The following SEC13 variants were observed in gnomAD, a reference collection of about 807,000 sequenced individuals.
SEC13 encodes protein SEC13 homolog.
In SEC13, 25 loss-of-function variants were observed where a neutral mutation model predicts 49.2. The observed-to-expected ratio is 0.51, with a 90% CI of 0.37 to 0.71. The LOEUF (loss-of-function observed/expected upper bound fraction) is 0.71. Among genes scored for constraint, SEC13 ranks in the 30% least tolerant of loss-of-function variants. The pLI, the probability that SEC13 is intolerant of heterozygous loss-of-function variation, is 0.00. For synonymous variants in SEC13, 148 were observed against 163.9 expected (o/e 0.90, Z 0.74); for missense variants, 383 against 417.6 (o/e 0.92, Z 0.72).
In SEC13 at chr3:10,305,030, G is replaced by C. The variant is rs187827799; in HGVS notation, c.708+3C>G. 89 of 1,614,104 alleles carry C rather than the reference G, an allele frequency of 5.5e-5. No homozygotes were observed. Among genetic ancestry groups the C allele is most frequent in the Admixed American group, 2.0e-4 (12 of 60,032 alleles). ...CAAGGGATACTCATGGCCCTGGGCT[G>C]ACCTGGGAGCAGCTGGCGATGGTGC... On this transcript the variant is annotated splice_donor_region_variant and intron_variant, in intron 7 of 8. Transcript: ENST00000350697.
intron 3 of SEC13, chr3:10,313,696 A>C (rs113698443): frequency 1.6e-5 from 3 of 189,394 alleles, no homozygotes; most frequent in Non-Finnish European, 3.5e-5. Flanking sequence ...TACTAAGGGG[A>C]AAAAAGAATG....
chr3:10,308,865 C>T lies in SEC13; in HGVS notation c.450+3100G>A, dbSNP rs142731644. 3.5e-3 allele frequency among the ~76,000 whole-genome samples: 497 copies of T among 140,698 alleles called. 1 individual carries two copies. Among genetic ancestry groups the T allele is most frequent in the African/African-American group, 0.012 (442 of 38,008 alleles). The allele number at this position is 140,698 out of a possible 152,430, so 92.3% of individuals were successfully genotyped here. A position where few individuals can be genotyped will look rare whatever the true frequency, so the allele number is the denominator to read the frequency against. ...CAGGTTGGTCTTGAACTCCTGGCCTCAAACAGGAGTTCACCTCGATCTCCC... is the reference window on the plus strand; with the variant it reads ...CAGGTTGGTCTTGAACTCCTGGCCTTAAACAGGAGTTCACCTCGATCTCCC... On this transcript the variant is annotated intron_variant, in intron 5 of 8. Transcript: ENST00000350697.
In SEC13 at chr3:10,315,360, A is replaced by G. The variant is rs1422169212; in HGVS notation, c.125T>C (p.Val42Ala). The G allele has an allele frequency of 1.2e-6, 2 of 1,613,802 alleles. No individual in the cohort carries two copies. The highest frequency in any genetic ancestry group is 1.7e-6 in the Non-Finnish European group (2 of 1,179,970). ...GATAAGGATCTGCCCTCCATTGCGC[A>G]CATCAAAGATTTTGACGGACCTGTC... ...SSDRSVKIFD[V>A]RNGGQILIAD... Residue 42 changes from valine to alanine, a missense_variant, in exon 3 of 9, where the codon GTG (valine) becomes GCG (alanine). Transcript: ENST00000350697.
intron 6 of SEC13, 171 bp downstream of exon 6, chr3:10,305,388 G>C: frequency 1.9e-6 from 2 of 1,031,716 alleles, no homozygotes; most frequent in Admixed American, 5.2e-5. Flanking sequence ...TAGGTGAACA[G>C]GTGTTGTGTT....
At chr3:10,305,258 C>G in intron 6 of SEC13, 102 bp from the exon 7 acceptor site, 1 of 1,447,920 alleles carries the variant, frequency 6.9e-7, no homozygotes, top group Non-Finnish European at 9.2e-7. Flanking sequence ...GCGATTCCAT[C>G]TTTCTTCTTT....
chr3:10,308,520 A>G (rs143238162), intron 5 of SEC13, among the ~76,000 whole-genome samples: 4 of 152,346 alleles, frequency 2.6e-5, no homozygotes, highest in Admixed American at 6.5e-5. Flanking sequence ...TAAAGCTGCT[A>G]TAACCTTTTG....
At chr3:10,304,300 C>T (rs749561773) in intron 7 of SEC13, 128 bp from the exon 8 acceptor site, 42 of 877,904 alleles carry the variant, frequency 4.8e-5, no homozygotes, top group Non-Finnish European at 6.3e-5. Flanking sequence ...AAAGGGGAGC[C>T]GAGGACCTCT....
rs140276697 is a variant in SEC13 at position 10,316,985 on chromosome 3, G to A, written c.48+1065C>T. Among the ~76,000 whole-genome samples the A allele has an allele frequency of 3.8e-4, 48 of 127,604 alleles. No individual in the cohort carries two copies. The East Asian group carries it at 0.011, about 29-fold the overall frequency. The allele number at this position is 127,604 out of a possible 152,430, so 83.7% of individuals were successfully genotyped here. On this transcript the variant is annotated intron_variant, in intron 2 of 8. Transcript: ENST00000350697. ...CACTGCATGCCAGCCTGGGCTACAA[G>A]AGCGAAACTCCATCTCAAAAAAAAA...
At chr3:10,309,357 G>C (rs1701104714) in intron 5 of SEC13, among the ~76,000 whole-genome samples, 1 of 152,104 alleles carries the variant, frequency 6.6e-6, no homozygotes, top group Non-Finnish European at 1.5e-5. Context: ...GGGACTCCTG[G>C]TATTCGTATG....
At position 10,305,102 on chromosome 3, in the gene SEC13, G is replaced by C; in HGVS notation, c.639C>G (p.Asp213Glu). The change falls in exon 7 of 9, where the codon GAC (aspartate) becomes GAG (glutamate). Residue 213 changes from aspartate to glutamate, a missense_variant. Transcript: ENST00000350697. Reference sequence around the variant, plus strand: ...GGGCCCAGGCCACATCTCGAACCCAGTCACTGTGCGCTTCTAGCTTCTGCT... The same window carrying C: ...GGGCCCAGGCCACATCTCGAACCCACTCACTGTGCGCTTCTAGCTTCTGCT... ...KEEQKLEAHS[D>E]WVRDVAWAPS... The C allele has an allele frequency of 6.2e-7, 1 of 1,614,122 alleles. No individual in the cohort carries two copies. The highest frequency in any genetic ancestry group is 8.5e-7 in the Non-Finnish European group (1 of 1,180,014).
intron 2 of SEC13, among the ~76,000 whole-genome samples, chr3:10,316,772 C>T (rs547392583): frequency 3.8e-4 from 58 of 152,246 alleles, no homozygotes; most frequent in Middle Eastern, 3.4e-3. Flanking sequence ...GAAGCTGAGG[C>T]GGGCGGATCA....
chr3:10,303,958 C>T, intron 8 of SEC13, 68 bp downstream of exon 8: 1 of 1,566,310 alleles, frequency 6.4e-7, no homozygotes, highest in Non-Finnish European at 8.7e-7. Flanking sequence ...ATGTCAAGTG[C>T]CCTCTCTAGT....
intron 5 of SEC13, among the ~76,000 whole-genome samples, chr3:10,310,589 G>C (rs1018601655): frequency 2.0e-5 from 3 of 152,176 alleles, no homozygotes; most frequent in African/African-American, 7.2e-5. Context: ...ATGTTAGTGA[G>C]GATGTGGAGA....
chr3:10,308,933 ATTTTTT>A lies in SEC13; in HGVS notation c.450+3026_450+3031del, dbSNP rs56801249. 1.4e-3 allele frequency among the ~76,000 whole-genome samples: 139 copies of A among 102,342 alleles called. 2 individuals carry two copies. The highest frequency in any genetic ancestry group is 0.01 in the East Asian group (40 of 3,840). The allele number at this position is 102,342 out of a possible 152,430, so 67.1% of individuals were successfully genotyped here. Reference sequence around the variant, plus strand: ...GGCTGAGCCATCACGCCTGGCCTTGATTTTTTTTTTTTTTTTTTTTTTTGAGACAAG... The same window carrying A: ...GGCTGAGCCATCACGCCTGGCCTTGATTTTTTTTTTTTTTTTTGAGACAAG... On this transcript the variant is annotated intron_variant, in intron 5 of 8. Coordinates refer to ENST00000350697, the MANE Select transcript of SEC13 (RefSeq NM_183352.3).
Position 10,304,889 on chromosome 3 carries a change from A to G in SEC13, c.708+144T>C, listed in dbSNP as rs113122464. ...CTTCTGACCAAGACTTCCCCACACA[A>G]TGACCTGACTCCCTGTGCTCTGGGC... On this transcript the variant is annotated intron_variant, in intron 7 of 8. Transcript: ENST00000350697. 2.4e-4 allele frequency: 294 copies of G among 1,219,228 alleles called. No individual in the cohort carries two copies. In the African/African-American group the frequency reaches 4.0e-3, roughly 17 times the overall value. 75.5% of individuals were successfully genotyped at this position (1,219,228 alleles called of 1,614,324 possible).
chr3:10,317,560 C>A lies in SEC13; in HGVS notation c.48+490G>T, dbSNP rs1011594383. 2.0e-5 allele frequency among the ~76,000 whole-genome samples: 3 copies of A among 152,050 alleles called. No individual in the cohort carries two copies. The South Asian group carries it at 6.2e-4, about 32-fold the overall frequency. On this transcript the variant is annotated intron_variant, in intron 2 of 8. Coordinates refer to ENST00000350697, the MANE Select transcript of SEC13 (RefSeq NM_183352.3). ...GAGTGTGGACTTCTGGTTCAAAGGG[C>A]CTTGTCTGGCCTATTGTCTTGGTGG... is the stretch of plus-strand genomic sequence containing the variant.
intron 4 of SEC13, 74 bp from the exon 5 acceptor site, chr3:10,312,172 C>CTGTT: frequency 6.7e-7 from 1 of 1,502,982 alleles, no homozygotes; most frequent in South Asian, 1.3e-5. Context: ...CACAGATTTA[C>CTGTT]TGTTTTACTA....
At chr3:10,318,246 G>A (rs1701727800) in intron 1 of SEC13, 152 bp from the exon 2 acceptor site, 3 of 641,512 alleles carry the variant, frequency 4.7e-6, no homozygotes, top group Non-Finnish European at 8.5e-6. Flanking sequence ...CAAGCACTGT[G>A]CTAGGAACTG....
intron 1 of SEC13, chr3:10,320,799 G>C (rs1204005452): frequency 7.5e-7 from 1 of 1,331,770 alleles, no homozygotes; most frequent in African/African-American, 1.5e-5. Context: ...TGACCGAAAA[G>C]AAGGAAGGGA....
Sources: allele counts gnomAD v4.1 joint callset (sites outside exome capture counted in the v4.1 genomes callset), GRCh38; gene constraint gnomAD v4.1.1; transcripts MANE v1.5; gene names NCBI Gene and HGNC (gene_info 2026-07-23, HGNC 2026-07-21).